Variants in CEP290 observed in about 807,000 individuals in gnomAD.
CEP290 encodes centrosomal protein 290.
Under a neutral mutation model 344.9 loss-of-function variants are expected in CEP290, and 317 were observed. The ratio of observed to expected loss-of-function variants is 0.92; its 90% CI spans 0.84 to 1.01. CEP290 has a LOEUF of 1.01. CEP290 is among the 50% of genes least tolerant of loss of function. The probability of loss-of-function intolerance (pLI) is 0.00; values close to 1 mark genes in which losing one functional copy is unlikely to be tolerated. For synonymous variants in CEP290, 932 were observed against 895.8 expected, an observed-to-expected ratio of 1.04 and a Z score of -0.72; for missense variants, 2,754 against 2,761.4, an observed-to-expected ratio of 1.00 and a Z score of 0.06.
chr12:88,062,226 T>G (rs2034535633), intron 46 of CEP290, among the ~76,000 whole-genome samples: 1 of 152,172 alleles, frequency 6.6e-6, no homozygotes, highest in African/African-American at 2.4e-5. Context: ...GTCTTTGGCC[T>G]TGACCTCATA....
intron 44 of CEP290, among the ~76,000 whole-genome samples, chr12:88,065,416 T>C (rs1389970277): frequency 6.6e-6 from 1 of 152,182 alleles, no homozygotes; most frequent in Non-Finnish European, 1.5e-5. Flanking sequence ...TGTTGATATA[T>C]GTAAATCACA....
chr12:88,135,239 T>C (rs113613226), intron 6 of CEP290, among the ~76,000 whole-genome samples: 5,243 of 152,166 alleles, frequency 0.034, 139 homozygotes, highest in African/African-American at 0.072. Context: ...TCTCAAGGAA[T>C]TGAGCAGCCA....
chr12:88,080,500 G>T, intron 37 of CEP290, 105 bp from the exon 38 acceptor site: 1 of 754,462 alleles, frequency 1.3e-6, no homozygotes, highest in South Asian at 2.2e-5. Flanking sequence ...CGCAATCTCG[G>T]CTGACTGCAA....
intron 49 of CEP290, among the ~76,000 whole-genome samples, chr12:88,056,940 G>A (rs1392172963): frequency 6.6e-6 from 1 of 151,996 alleles, no homozygotes; most frequent in Admixed American, 6.6e-5. Context: ...ATCAAAACGA[G>A]CCTTCTCTCT....
chr12:88,111,651 A>G (rs1204901087), intron 21 of CEP290, 43 bp downstream of exon 21: 1 of 1,476,556 alleles, frequency 6.8e-7, no homozygotes, highest in South Asian at 1.4e-5. Context: ...TTAAATCTAC[A>G]TTCTTATGTT....
intron 17 of CEP290, among the ~76,000 whole-genome samples, chr12:88,117,815 ACTTGAGGT>A (rs2039146213): frequency 6.6e-6 from 1 of 152,158 alleles, no homozygotes; most frequent in Non-Finnish European, 1.5e-5. Flanking sequence ...TGGATGGATC[ACTTGAGGT>A]CAGGAGTTCA....
chr12:88,141,528 TC>T (rs1435411676), intron 1 of CEP290, among the ~76,000 whole-genome samples, 194 bp from the exon 2 acceptor site: 1 of 151,898 alleles, frequency 6.6e-6, no homozygotes, highest in East Asian at 1.9e-4. Context: ...TGTCAGAGTG[TC>T]CCGGCTAAAT....
chr12:88,123,360 T>C (rs1267519829), intron 13 of CEP290, among the ~76,000 whole-genome samples: 1 of 152,132 alleles, frequency 6.6e-6, no homozygotes, highest in Non-Finnish European at 1.5e-5. Flanking sequence ...AAAGGGTTCC[T>C]ATATTTCTTT....
Position 88,087,889 on chromosome 12 carries a change from T to A in CEP290, c.4085A>T (p.Asn1362Ile). 1 of 1,233,074 alleles carries A rather than the reference T, an allele frequency of 8.1e-7. No individual in the cohort carries two copies. Among genetic ancestry groups the A allele is most frequent in the Non-Finnish European group, 1.0e-6 (1 of 963,298 alleles). The allele number at this position is 1,233,074 out of a possible 1,614,324, so 76.4% of individuals were successfully genotyped here. ...EELRLQELKL[N>I]RELVKDKEEI... ...TTCTTTATCCTTGACTAATTCCCGA[T>A]TTAGTTTAAGTTCTTGAAGACGAAG... The change falls in exon 32 of 54, where the codon AAT becomes ATT. Residue 1362 changes from asparagine (N) to isoleucine (I), a missense_variant. Coordinates refer to ENST00000552810, the MANE Select transcript of CEP290 (RefSeq NM_025114.4).
chr12:88,120,928 A>G (rs1348945775), intron 14 of CEP290, 69 bp downstream of exon 14: 6 of 1,296,744 alleles, frequency 4.6e-6, no homozygotes, highest in East Asian at 2.3e-5. Context: ...TGCAGTAAAT[A>G]GCACAGAATA....
At chr12:88,105,957 G>A (rs1248893541) in intron 25 of CEP290, among the ~76,000 whole-genome samples, 2 of 152,008 alleles carry the variant, frequency 1.3e-5, no homozygotes, top group Non-Finnish European at 2.9e-5. Context: ...TAGAGACGGA[G>A]TCTCACTATA....
Position 88,120,212 on chromosome 12 carries a change from C to G in CEP290, c.1424G>C (p.Arg475Thr). ...IKNCKNQIKIRDREIEILTKE... is the reference protein window; with the variant it reads ...IKNCKNQIKITDREIEILTKE... ...TGTTAATATTTCAATCTCTCGATCT[C>G]TTATTTTAATTTGGTTTTTACAATT... Residue 475 changes from arginine (R) to threonine (T), a missense_variant, in exon 15 of 54, where the codon AGA becomes ACA. Coordinates refer to ENST00000552810, the MANE Select transcript of CEP290 (RefSeq NM_025114.4). 6.6e-7 allele frequency: 1 copy of G among 1,513,010 alleles called. No individual in the cohort carries two copies. Among genetic ancestry groups the G allele is most frequent in the Non-Finnish European group, 8.9e-7 (1 of 1,125,074 alleles). The allele number at this position is 1,513,010 out of a possible 1,614,324, so 93.7% of individuals were successfully genotyped here. A position where few individuals can be genotyped will look rare whatever the true frequency, so the allele number is the denominator to read the frequency against.
chr12:88,059,043 A>C (rs761450698), intron 48 of CEP290, 23 bp from the exon 49 acceptor site: 3 of 1,568,168 alleles, frequency 1.9e-6, no homozygotes, highest in Non-Finnish European at 2.6e-6. Context: ...GCTAATTAGT[A>C]TTTTATGAGA....
At chr12:88,118,840 C>G (rs1268649461) in intron 15 of CEP290, 97 bp from the exon 16 acceptor site, 4 of 714,944 alleles carry the variant, frequency 5.6e-6, no homozygotes, top group Non-Finnish European at 6.6e-6. Context: ...ATTCACTTAG[C>G]CAGTATCACT....
At chr12:88,094,043 G>A in intron 27 of CEP290, 68 bp from the exon 28 acceptor site, 1 of 1,190,138 alleles carries the variant, frequency 8.4e-7, no homozygotes, top group Non-Finnish European at 1.2e-6. Context: ...TATTTTAGAT[G>A]CTGTATATTA....
intron 3 of CEP290, 46 bp from the exon 4 acceptor site, chr12:88,139,610 T>C (rs1170723465): frequency 3.8e-6 from 5 of 1,316,330 alleles, no homozygotes; most frequent in Non-Finnish European, 5.0e-6. Context: ...TATACTGGAA[T>C]GTAAGCACTG....
At chr12:88,111,662 T>G (rs2038700995) in intron 21 of CEP290, 32 bp downstream of exon 21, 1 of 1,520,264 alleles carries the variant, frequency 6.6e-7, no homozygotes, top group East Asian at 2.4e-5. Context: ...TTCTTATGTT[T>G]AGCATTTTCT....
chr12:88,134,135 C>T (rs887806952), intron 6 of CEP290, among the ~76,000 whole-genome samples: 1 of 152,114 alleles, frequency 6.6e-6, no homozygotes, highest in African/African-American at 2.4e-5. Context: ...CCAGAAGAAC[C>T]TCAAACTCAA....
Position 88,115,122 on chromosome 12 carries a change from C to T in CEP290, c.1885G>A (p.Val629Met). ...KERDLERSRT[V>M]IAKFQNKLKE... ...CATTTATTCTGAAATTTGGCTATCA[C>T]TGTCCTACTCCTTTCTAAATCTCTT... Residue 629 changes from valine (V) to methionine (M), a missense_variant, in exon 19 of 54, where the codon GTG becomes ATG. Val to Met is a conservative substitution (Grantham distance 21, BLOSUM62 1). Coordinates refer to ENST00000552810, the MANE Select transcript of CEP290 (RefSeq NM_025114.4). 6.8e-7 allele frequency: 1 copy of T among 1,475,362 alleles called. No homozygotes were observed. Among genetic ancestry groups the T allele is most frequent in the Non-Finnish European group, 9.2e-7 (1 of 1,082,226 alleles). 91.4% of individuals were successfully genotyped at this position (1,475,362 alleles called of 1,614,324 possible). A position where few individuals can be genotyped will look rare whatever the true frequency, so the allele number is the denominator to read the frequency against.
Sources: allele counts gnomAD v4.1 joint callset (sites outside exome capture counted in the v4.1 genomes callset), GRCh38; gene constraint gnomAD v4.1.1; transcripts MANE v1.5; gene names NCBI Gene and HGNC (gene_info 2026-07-23, HGNC 2026-07-21).